CNIH3: variants seen among roughly 807,000 people sequenced by gnomAD.
CNIH3 encodes the protein protein cornichon homolog 3.
A neutral mutation model predicts 24.1 loss-of-function variants in CNIH3; 14 were observed. The observed-to-expected ratio is 0.58, with a 90% CI of 0.38 to 0.91. The LOEUF (loss-of-function observed/expected upper bound fraction) is 0.91. Ranked by LOEUF, CNIH3 falls within the 40% of genes least tolerant of loss-of-function variation. The pLI is 0.00. For missense variants in CNIH3, 178 were observed against 196.8 expected (o/e 0.90, Z 0.57); for synonymous variants, 68 against 73.8 (o/e 0.92, Z 0.40).
chr1:224,633,033 T>G (rs1284145507), intron 1 of CNIH3, among the ~76,000 whole-genome samples: 1 of 152,170 alleles, frequency 6.6e-6, no homozygotes, highest in African/African-American at 2.4e-5. Flanking sequence ...CCCCAAATGC[T>G]GTGGTCCTCT....
At chr1:224,696,458 G>A (rs1019283260) in intron 3 of CNIH3, among the ~76,000 whole-genome samples, 2 of 152,234 alleles carry the variant, frequency 1.3e-5, no homozygotes, top group African/African-American at 2.4e-5. Flanking sequence ...GCAGATCTCT[G>A]TCTCATGGAG....
Position 224,684,902 on chromosome 1 carries a change from A to T in CNIH3, c.198+59A>T. 6.6e-7 allele frequency: 1 copy of T among 1,512,864 alleles called. No individual in the cohort carries two copies. The highest frequency in any genetic ancestry group is 1.1e-5 in the South Asian group (1 of 89,062). 93.7% of individuals were successfully genotyped at this position (1,512,864 alleles called of 1,614,324 possible). ...ATCGCATGGTGGTGGGTGGGCACAC[A>T]GTGAAAGAGGCTAGTGAGGCTCTGC... On this transcript the variant is annotated intron_variant, in intron 3 of 5. Coordinates refer to ENST00000272133, the MANE Select transcript of CNIH3 (RefSeq NM_152495.2). This position sits in a 1 kb window ranked among gnomAD's most constrained non-coding sequence, Gnocchi z 4.2.
In CNIH3 at chr1:224,485,772, T is replaced by C. The variant is rs73129688; in HGVS notation, n.204-29969T>C. Among the ~76,000 whole-genome samples, 1,485 of 152,310 alleles carry C rather than the reference T, an allele frequency of 9.7e-3. 21 individuals carry two copies. Among genetic ancestry groups the C allele is most frequent in the African/African-American group, 0.033 (1,376 of 41,552 alleles). ...TGAGCCAGGATGCCCAGCCCTCTTC[T>C]TTCTTTTAAAACTTTAATTATGGAA... On this transcript the variant is annotated intron_variant and non_coding_transcript_variant, in intron 1 of 5. Transcript: ENST00000471578.
chr1:224,529,339 A>G (rs1189734245), intron 2 of CNIH3: 2 of 152,346 alleles, frequency 1.3e-5, no homozygotes, highest in African/African-American at 4.8e-5. Context: ...TTTGCATAAA[A>G]TCCAGCTCCT....
chr1:224,574,348 G>A (rs1287549723), intron 4 of CNIH3: 1 of 349,186 alleles, frequency 2.9e-6, no homozygotes, highest in Non-Finnish European at 5.1e-6. Flanking sequence ...CATTCTTAAA[G>A]ACATAACTAT....
At chr1:224,673,208 T>TA (rs1461879430) in intron 1 of CNIH3, among the ~76,000 whole-genome samples, 10 of 152,146 alleles carry the variant, frequency 6.6e-5, no homozygotes, top group African/African-American at 2.4e-4. Flanking sequence ...CTCCTTTTGT[T>TA]AGAGTGAGAG....
intron 1 of CNIH3, among the ~76,000 whole-genome samples, chr1:224,633,490 C>T (rs576142844): frequency 1.3e-5 from 2 of 152,090 alleles, no homozygotes; most frequent in African/African-American, 2.4e-5. Flanking sequence ...TTCTGGTCAT[C>T]GTAACCAAAA....
At chr1:224,492,010 C>G (rs1023141335) in intron 1 of CNIH3, among the ~76,000 whole-genome samples, 2 of 152,170 alleles carry the variant, frequency 1.3e-5, no homozygotes, top group African/African-American at 4.8e-5. Context: ...TTATCTTGGC[C>G]TCTCAAAGTG....
At chr1:224,570,951 C>T (rs183587193) in intron 4 of CNIH3, among the ~76,000 whole-genome samples, 42 of 151,762 alleles carry the variant, frequency 2.8e-4, no homozygotes, top group South Asian at 6.3e-4. Flanking sequence ...CTCTCAGCAC[C>T]GTGAATTTCC....
At chr1:224,522,261 AC>A (rs2124916210) in intron 2 of CNIH3, among the ~76,000 whole-genome samples, 1 of 152,360 alleles carries the variant, frequency 6.6e-6, no homozygotes, top group African/African-American at 2.4e-5. Flanking sequence ...TCTTTTGGTA[AC>A]TGAGAGCCAG....
intron 1 of CNIH3, among the ~76,000 whole-genome samples, chr1:224,497,736 C>T (rs1029534379): frequency 2.6e-5 from 4 of 152,160 alleles, no homozygotes; most frequent in Admixed American, 2.6e-4. Flanking sequence ...GAGTGCTGAA[C>T]ACTTCCTGCA....
At chr1:224,581,679 A>G (rs144549499) in intron 4 of CNIH3, among the ~76,000 whole-genome samples, 7 of 152,316 alleles carry the variant, frequency 4.6e-5, no homozygotes, top group Admixed American at 1.3e-4. Flanking sequence ...AAGAATTGTC[A>G]TTCTTATGAG....
intron 1 of CNIH3, among the ~76,000 whole-genome samples, chr1:224,618,147 C>A (rs1188028737): frequency 6.6e-6 from 1 of 152,206 alleles, no homozygotes; most frequent in African/African-American, 2.4e-5. Flanking sequence ...GGAGTGCGTA[C>A]GCCGGTCCTC....
intron 1 of CNIH3, among the ~76,000 whole-genome samples, chr1:224,620,819 G>A (rs1683244269): frequency 6.6e-6 from 1 of 151,986 alleles, no homozygotes; most frequent in South Asian, 2.1e-4. Context: ...AGGCAACATA[G>A]TGAGACCCCA....
At chr1:224,513,424 C>A (rs1008157157), upstream of CNIH3, among the ~76,000 whole-genome samples, 3 of 151,420 alleles carry the variant, frequency 2.0e-5, no homozygotes, top group South Asian at 2.1e-4. Context: ...AACTGATCCT[C>A]CTGCCTCAGC....
At chr1:224,532,028 G>C (rs1572423695) in intron 2 of CNIH3, among the ~76,000 whole-genome samples, 1 of 152,314 alleles carries the variant, frequency 6.6e-6, no homozygotes, top group Admixed American at 6.5e-5. Context: ...AGACGGTGGG[G>C]TGGGAGGGAA....
At chr1:224,701,544 C>T (rs973935078) in intron 3 of CNIH3, among the ~76,000 whole-genome samples, 1 of 152,214 alleles carries the variant, frequency 6.6e-6, no homozygotes, top group African/African-American at 2.4e-5. Context: ...AGAGACCCCA[C>T]TTCCTAACAC....
At chr1:224,435,244 G>A in intron 1 of CNIH3, 2 of 977,798 alleles carry the variant, frequency 2.0e-6, no homozygotes, top group Non-Finnish European at 2.4e-6. Context: ...CAGGCACAGG[G>A]CTGTGGTAGG....
intron 3 of CNIH3, among the ~76,000 whole-genome samples, chr1:224,686,723 T>C (rs1558293307): frequency 6.6e-6 from 1 of 152,238 alleles, no homozygotes; most frequent in Non-Finnish European, 1.5e-5. Context: ...CTTTTATCCT[T>C]GCTTATTCTT....
Sources: gnomAD v4.1 joint callset for allele counts (sites outside exome capture counted in the v4.1 genomes callset) on GRCh38, gnomAD v4.1.1 for gene constraint, Gnocchi (gnomAD v3.1) non-coding constraint, MANE v1.5 for transcripts, NCBI Gene and HGNC (gene_info 2026-07-23, HGNC 2026-07-21) for gene names.